ERCC8: variants seen among roughly 807,000 people sequenced by gnomAD.
The protein encoded by ERCC8 is ERCC excision repair 8, CSA ubiquitin ligase complex subunit.
Under a neutral mutation model 54.9 loss-of-function variants are expected in ERCC8, and 52 were observed. The ratio of observed to expected loss-of-function variants is 0.95; its 90% CI spans 0.76 to 1.19. The LOEUF (loss-of-function observed/expected upper bound fraction) is 1.19. Ranked by LOEUF, ERCC8 falls within the 50% of genes most tolerant of loss-of-function variation. The pLI is 0.00. For missense variants in ERCC8, 514 were observed against 466.1 expected (o/e 1.10, Z -0.95); for synonymous variants, 146 against 157.2 (o/e 0.93, Z 0.53).
At position 60,880,684 on chromosome 5, in the gene ERCC8, C is replaced by T. The variant is rs189132538; in HGVS notation, c.1123-6001G>A. On this transcript the variant is annotated intron_variant, in intron 11 of 11. Coordinates refer to ENST00000676185, the MANE Select transcript of ERCC8 (RefSeq NM_000082.4). Reference sequence around the variant, plus strand: ...GCTACTGAGGCTTGAACATTCATCACGTAGTTCTCGTGCCATGGTTTTCAG... The same window carrying T: ...GCTACTGAGGCTTGAACATTCATCATGTAGTTCTCGTGCCATGGTTTTCAG... Among the ~76,000 whole-genome samples, 619 of 152,308 alleles carry T rather than the reference C, an allele frequency of 4.1e-3. 5 individuals carry two copies. The highest frequency in any genetic ancestry group is 0.014 in the African/African-American group (569 of 41,574).
intron 1 of ERCC8, among the ~76,000 whole-genome samples, chr5:60,935,491 G>C (rs1382357437): frequency 6.6e-6 from 1 of 152,180 alleles, no homozygotes; most frequent in Non-Finnish European, 1.5e-5. Context: ...AACAGCAACA[G>C]TTTTACTTCC....
At chr5:60,931,783 AG>A (rs144954296) in intron 1 of ERCC8, among the ~76,000 whole-genome samples, 1 of 152,324 alleles carries the variant, frequency 6.6e-6, no homozygotes, top group East Asian at 1.9e-4. Flanking sequence ...CTTTGTAACA[AG>A]TAAAAACAGT....
chr5:60,924,159 C>T (rs1749683777), intron 2 of ERCC8: 1 of 152,160 alleles, frequency 6.6e-6, no homozygotes, highest in African/African-American at 2.4e-5. Flanking sequence ...CATTCATGTG[C>T]TATAATTTAA....
intron 4 of ERCC8, among the ~76,000 whole-genome samples, chr5:60,908,973 T>A (rs1749164093): frequency 6.6e-6 from 1 of 152,038 alleles, no homozygotes; most frequent in East Asian, 1.9e-4. Flanking sequence ...CTAATATGAC[T>A]TTTAAAAAGC....
rs1051320962 is a variant in ERCC8, at chr5:60,891,064, T to C, written c.866A>G (p.Asn289Ser). The change falls in exon 10 of 12, where the codon AAT (asparagine) becomes AGT (serine). Residue 289 changes from asparagine (N) to serine (S), a missense_variant. By Grantham distance (46) the Asn-to-Ser change is conservative. Transcript: ENST00000676185. ...GAATTTCAATCCTTTTTTACTGTTATTACAAACTTTTCCATAGTTCACCTG... is the reference window on the plus strand; with the variant it reads ...GAATTTCAATCCTTTTTTACTGTTACTACAAACTTTTCCATAGTTCACCTG... ...NTLVNYGKVC[N>S]NSKKGLKFTV... 3 of 1,611,188 alleles carry C rather than the reference T, an allele frequency of 1.9e-6. No homozygotes were observed. Among genetic ancestry groups the C allele is most frequent in the Non-Finnish European group, 1.7e-6 (2 of 1,178,918 alleles).
chr5:60,930,612 G>A (rs911773691), intron 1 of ERCC8, among the ~76,000 whole-genome samples: 1 of 151,722 alleles, frequency 6.6e-6, no homozygotes, highest in Admixed American at 6.6e-5. Flanking sequence ...GCGTATGCCT[G>A]TAATCCCAGA....
Position 60,904,848 on chromosome 5 carries a change from T to C in ERCC8, c.425A>G (p.Glu142Gly). The change falls in exon 5 of 12, where the codon GAA (glutamate) becomes GGA (glycine). Residue 142 changes from glutamate to glycine, a missense_variant. By Grantham distance (98) the Glu-to-Gly change is moderately conservative. Transcript: ENST00000676185. ...LQTADVFNFEETVYSHHMSPV... is the reference protein window; with the variant it reads ...LQTADVFNFEGTVYSHHMSPV... ...AGACATATGATGACTATAAACTGTT[T>C]CCTCAAAATTAAATACATCTGCAGT... 6.3e-7 allele frequency: 1 copy of C among 1,582,682 alleles called. No individual in the cohort carries two copies. The highest frequency in any genetic ancestry group is 8.7e-7 in the Non-Finnish European group (1 of 1,152,496).
chr5:60,924,597 A>G (rs547657325), intron 2 of ERCC8: 1 of 154,620 alleles, frequency 6.5e-6, no homozygotes, highest in Admixed American at 6.5e-5. Context: ...TATCCTAGAA[A>G]AGCTTTCTTG....
rs1749512015 is a variant in ERCC8, at chr5:60,918,681, T to C, written c.276-293A>G. On this transcript the variant is annotated intron_variant, in intron 3 of 11. Transcript: ENST00000676185. ...GCATCAGCCAACTACACTGGTCTTC[T>C]TTCATCTTGAAAGAGTGATTTGGTC... 9.3e-5 allele frequency: 35 copies of C among 375,626 alleles called. 2 individuals carry two copies. The highest frequency in any genetic ancestry group is 8.2e-4 in the South Asian group (33 of 40,106). 23.3% of individuals were successfully genotyped at this position (375,626 alleles called of 1,614,324 possible).
At chr5:60,942,614 G>A (rs1273015227) in intron 1 of ERCC8, among the ~76,000 whole-genome samples, 1 of 152,132 alleles carries the variant, frequency 6.6e-6, no homozygotes, top group East Asian at 1.9e-4. Flanking sequence ...CAGATTAGTA[G>A]TTTCTAGAGA....
At chr5:60,933,738 C>T (rs1436746672) in intron 1 of ERCC8, among the ~76,000 whole-genome samples, 1 of 152,140 alleles carries the variant, frequency 6.6e-6, no homozygotes, top group Non-Finnish European at 1.5e-5. Flanking sequence ...CCACCCTTTC[C>T]CCCGAGTCCC....
chr5:60,887,305 G>A, intron 11 of ERCC8, 135 bp downstream of exon 11: 1 of 740,222 alleles, frequency 1.4e-6, no homozygotes, highest in Non-Finnish European at 2.4e-6. Flanking sequence ...TCTTGCCTCA[G>A]TCTCCCAGGT....
chr5:60,877,232 G>A (rs1748040504), intron 11 of ERCC8, among the ~76,000 whole-genome samples: 1 of 152,100 alleles, frequency 6.6e-6, no homozygotes, highest in Non-Finnish European at 1.5e-5. Flanking sequence ...CTGTTCCATT[G>A]GTCTATATCT....
rs777918748 is a variant in ERCC8, at chr5:60,899,716, C to T, written c.629G>A (p.Arg210Lys). The part of the protein sequence containing the change: ...YILATASADS[R>K]VKLWDVRRAS... ...TCTTCTCACATCCCATAATTTTACT[C>T]TACTGTCAGCACTGAGAAGAAATAA... The change falls in exon 8 of 12, where the codon AGA becomes AAA. Residue 210 changes from arginine to lysine, a missense_variant. Arg to Lys is a conservative substitution (Grantham distance 26). Transcript: ENST00000676185. 8 of 1,609,762 alleles carry T rather than the reference C, an allele frequency of 5.0e-6. No individual in the cohort carries two copies. The highest frequency in any genetic ancestry group is 8.5e-7 in the Non-Finnish European group (1 of 1,176,822).
At chr5:60,901,186 T>A (rs1020570256) in intron 7 of ERCC8, among the ~76,000 whole-genome samples, 1 of 152,004 alleles carries the variant, frequency 6.6e-6, no homozygotes, top group Non-Finnish European at 1.5e-5. Context: ...ATCCCTTCAG[T>A]TTTTAAATTT....
At chr5:60,920,634 GTTA>G (rs1428506038) in intron 3 of ERCC8, among the ~76,000 whole-genome samples, 1 of 151,700 alleles carries the variant, frequency 6.6e-6, no homozygotes, top group African/African-American at 2.4e-5. Flanking sequence ...TGTATAAAAT[GTTA>G]TTATAACTCA....
chr5:60,934,978 T>C (rs879753400), intron 1 of ERCC8, among the ~76,000 whole-genome samples: 5 of 152,214 alleles, frequency 3.3e-5, no homozygotes, highest in African/African-American at 1.2e-4. Flanking sequence ...CCTTATAGTA[T>C]AGTTTGAAGA....
intron 7 of ERCC8, among the ~76,000 whole-genome samples, chr5:60,901,242 C>T (rs963691279): frequency 5.3e-5 from 8 of 151,918 alleles, no homozygotes; most frequent in African/African-American, 1.7e-4. Context: ...TCCTTGATCC[C>T]TCCTACAAGC....
chr5:60,898,045 C>T lies in ERCC8; in HGVS notation c.843+231G>A, dbSNP rs1015305779. Among the ~76,000 whole-genome samples, 3 of 152,138 alleles carry T rather than the reference C, an allele frequency of 2.0e-5. No individual in the cohort carries two copies. In the South Asian group the frequency reaches 6.2e-4, roughly 32 times the overall value. ...CTACGCTTTGCACTCCCATTGAGAA[C>T]AGTGGCTCAGTAGAACAGTGATTCT... On this transcript the variant is annotated intron_variant, in intron 9 of 11. Coordinates refer to ENST00000676185, the MANE Select transcript of ERCC8 (RefSeq NM_000082.4).
Sources: gnomAD v4.1 joint callset for allele counts (sites outside exome capture counted in the v4.1 genomes callset) on GRCh38, gnomAD v4.1.1 for gene constraint, MANE v1.5 for transcripts, NCBI Gene and HGNC (gene_info 2026-07-23, HGNC 2026-07-21) for gene names.